ATP6V1A: variants seen among roughly 807,000 people sequenced by gnomAD.
ATP6V1A encodes the protein ATPase H+ transporting V1 subunit A, also known as V-type proton ATPase catalytic subunit A.
Under a neutral mutation model 70.1 loss-of-function variants are expected in ATP6V1A, and 18 were observed. The observed-to-expected ratio is 0.26, with a 90% CI of 0.18 to 0.38. ATP6V1A has a LOEUF of 0.38. ATP6V1A is among the 10% of genes least tolerant of loss of function. The pLI is 1.00. For missense variants in ATP6V1A, 424 were observed against 772.4 expected (o/e 0.55, Z 5.35); for synonymous variants, 232 against 253.8 (o/e 0.91, Z 0.82).
rs187581460 is a variant in ATP6V1A, at chr3:113,795,531, G to A, written c.1226+327G>A. On this transcript the variant is annotated intron_variant, in intron 10 of 14. Transcript: ENST00000273398. ...CACGGTAAAAAGAAAGTGAAGATTC[G>A]TGATCACTACATAAAGCCATACTTT... is the stretch of plus-strand genomic sequence containing the variant. Among the ~76,000 whole-genome samples, 9 of 151,800 alleles carry A rather than the reference G, an allele frequency of 5.9e-5. No individual in the cohort carries two copies. The East Asian group carries it at 1.5e-3, about 26-fold the overall frequency.
chr3:113,768,163 A>G (rs967772819), intron 1 of ATP6V1A, among the ~76,000 whole-genome samples: 3 of 152,096 alleles, frequency 2.0e-5, no homozygotes, highest in African/African-American at 7.2e-5. Flanking sequence ...TTTTATTCCA[A>G]TAAGAATAAG....
At position 113,753,807 on chromosome 3, in the gene ATP6V1A, C is replaced by G. The variant is rs575165559; in HGVS notation, c.-14+6694C>G. On this transcript the variant is annotated intron_variant, in intron 1 of 14. Coordinates refer to ENST00000273398, the MANE Select transcript of ATP6V1A (RefSeq NM_001690.4). The stretch of plus-strand genomic sequence containing the variant: ...TCCTCTTAGGTTTAAGCTATCCTCC[C>G]GCCTCAGCCTCCAGAGTAGCTGGGG... Among the ~76,000 whole-genome samples, 133 of 151,770 alleles carry G rather than the reference C, an allele frequency of 8.8e-4. 1 individual carries two copies. Among genetic ancestry groups the G allele is most frequent in the Non-Finnish European group, 1.5e-3 (101 of 67,926 alleles).
chr3:113,809,228 C>G (rs370222821), intron 14 of ATP6V1A, 107 bp from the exon 15 acceptor site: 2 of 856,484 alleles, frequency 2.3e-6, no homozygotes, highest in South Asian at 3.3e-5. Flanking sequence ...GCACTCCAGC[C>G]TGGGTGACAG....
chr3:113,799,553 A>G (rs577182660), intron 12 of ATP6V1A, among the ~76,000 whole-genome samples: 7 of 152,320 alleles, frequency 4.6e-5, no homozygotes, highest in East Asian at 3.9e-4. Flanking sequence ...TGTTCTGTCA[A>G]ATACCAGAGA....
At chr3:113,780,656 T>C in intron 2 of ATP6V1A, 1 of 879,506 alleles carries the variant, frequency 1.1e-6, no homozygotes, top group South Asian at 1.5e-5. Flanking sequence ...GATAATTGTG[T>C]GGCATTCTAC....
chr3:113,753,098 C>T (rs1474596802), intron 1 of ATP6V1A, among the ~76,000 whole-genome samples: 2 of 152,094 alleles, frequency 1.3e-5, no homozygotes, highest in African/African-American at 2.4e-5. Context: ...ATGAGTTAAC[C>T]ATTGAAAGAA....
In ATP6V1A at chr3:113,803,667, C is replaced by G; in HGVS notation, c.1579C>G (p.Pro527Ala). The G allele has an allele frequency of 6.3e-7, 1 of 1,598,592 alleles. No individual in the cohort carries two copies. The highest frequency in any genetic ancestry group is 1.1e-5 in the South Asian group (1 of 89,828). The stretch of plus-strand genomic sequence containing the variant: ...TTTCCTACAACAAAATGGATATACT[C>G]CTTATGACAGGTAAGCTATATTGAT... ...DDFLQQNGYT[P>A]YDRFCPFYKT... is the part of the protein sequence containing the mutation. Residue 527 changes from proline (P) to alanine (A), a missense_variant, in exon 13 of 15, where the codon CCT (proline) becomes GCT (alanine). Physicochemically the swap from Pro to Ala is conservative, Grantham distance 27 (BLOSUM62 -1). Around this residue, in one of 9 missense-constraint regions of ATP6V1A, gnomAD observed 127 missense variants for 207.9 expected, o/e 0.61. Transcript: ENST00000273398.
At chr3:113,806,177 G>A (rs1709274159) in intron 14 of ATP6V1A, among the ~76,000 whole-genome samples, 4 of 152,070 alleles carry the variant, frequency 2.6e-5, no homozygotes, top group Non-Finnish European at 2.9e-5. Context: ...GGAGGCTGAG[G>A]TCAAGGCTGC....
Position 113,795,374 on chromosome 3 carries a change from A to G in ATP6V1A, c.1226+170A>G, listed in dbSNP as rs117769126. ...CCTAAGGAGCTCTTTGAAGATGCAC[A>G]TGTTTAGGCAATTTCTACATGTCCT... is the stretch of plus-strand genomic sequence containing the variant. On this transcript the variant is annotated intron_variant, in intron 10 of 14. Transcript: ENST00000273398. 5.2e-3 allele frequency among the ~76,000 whole-genome samples: 788 copies of G among 152,244 alleles called. 15 individuals are homozygous for G. The highest frequency in any genetic ancestry group is 0.034 in the Admixed American group (516 of 15,288).
chr3:113,770,115 C>T (rs1463985669), intron 1 of ATP6V1A, among the ~76,000 whole-genome samples: 3 of 151,970 alleles, frequency 2.0e-5, no homozygotes, highest in African/African-American at 7.2e-5. Flanking sequence ...GTGGAGCAAT[C>T]TCCAGTCACT....
chr3:113,760,886 G>T (rs1297365092), intron 1 of ATP6V1A, among the ~76,000 whole-genome samples: 3 of 151,620 alleles, frequency 2.0e-5, no homozygotes, highest in Non-Finnish European at 4.4e-5. Flanking sequence ...GGCCAATATG[G>T]TGAAACTCTG....
chr3:113,753,409 A>G (rs1367932648), intron 1 of ATP6V1A, among the ~76,000 whole-genome samples: 1 of 152,150 alleles, frequency 6.6e-6, no homozygotes, highest in Non-Finnish European at 1.5e-5. Context: ...GAATACATGT[A>G]TTTTCCACCC....
At chr3:113,765,302 T>G (rs1258301144) in intron 1 of ATP6V1A, among the ~76,000 whole-genome samples, 1 of 152,136 alleles carries the variant, frequency 6.6e-6, no homozygotes, top group Non-Finnish European at 1.5e-5. Context: ...AATGTTATGT[T>G]TTTTAAAAAT....
rs1363920184 is a variant in ATP6V1A at position 113,798,367 on chromosome 3, TC to T, written c.1416del (p.Phe472LeufsTer4). On this transcript the variant is annotated frameshift_variant, in exon 12 of 15. Transcript: ENST00000273398. LOFTEE classifies it high-confidence loss of function. ...DEYYDKHFTE[F>X]VPLRTKAKEI... Reference sequence around the variant, plus strand: ...TACTATGACAAACACTTCACAGAGTTCGTTCCTCTGAGGACGAAAGCTAAGG... The same window carrying T: ...TACTATGACAAACACTTCACAGAGTTGTTCCTCTGAGGACGAAAGCTAAGG... 6.2e-7 allele frequency: 1 copy of T among 1,613,972 alleles called. No homozygotes were observed.
chr3:113,793,897 A>G (rs1450830143), intron 8 of ATP6V1A, among the ~76,000 whole-genome samples: 2 of 152,110 alleles, frequency 1.3e-5, no homozygotes, highest in East Asian at 3.8e-4. Context: ...TAATATAACT[A>G]TATATTTTTC....
At chr3:113,802,141 T>C (rs1425724177) in intron 12 of ATP6V1A, among the ~76,000 whole-genome samples, 1 of 152,086 alleles carries the variant, frequency 6.6e-6, no homozygotes, top group East Asian at 1.9e-4. Context: ...ACTAGTAAAA[T>C]AGCACTCAGA....
At chr3:113,771,547 C>T (rs1708841299) in intron 1 of ATP6V1A, among the ~76,000 whole-genome samples, 1 of 150,778 alleles carries the variant, frequency 6.6e-6, no homozygotes, top group African/African-American at 2.4e-5. Context: ...AGGCCATTCT[C>T]CTGCCTCAGC....
At chr3:113,764,539 A>C (rs555626696) in intron 1 of ATP6V1A, among the ~76,000 whole-genome samples, 138 of 150,588 alleles carry the variant, frequency 9.2e-4, no homozygotes, top group African/African-American at 3.4e-3. Flanking sequence ...ATTGCTTCTG[A>C]AAACAGATTT....
At chr3:113,769,550 C>T (rs1247129927) in intron 1 of ATP6V1A, among the ~76,000 whole-genome samples, 1 of 152,144 alleles carries the variant, frequency 6.6e-6, no homozygotes, top group Non-Finnish European at 1.5e-5. Flanking sequence ...TATATCACCT[C>T]CCCTTTGCCC....
Sources: allele counts gnomAD v4.1 joint callset (sites outside exome capture counted in the v4.1 genomes callset), GRCh38; gene constraint gnomAD v4.1.1; regional missense constraint gnomAD v4.1.1; transcripts MANE v1.5; gene names NCBI Gene and HGNC (gene_info 2026-07-23, HGNC 2026-07-21).